L3MBTL4: variants seen among roughly 807,000 people sequenced by gnomAD.
The protein encoded by L3MBTL4 is L3MBTL histone methyl-lysine binding protein 4.
L3MBTL4 carries 70 observed loss-of-function variants against 84.5 expected under a neutral mutation model. The observed-to-expected ratio is 0.83, with a 90% CI of 0.68 to 1.01. The LOEUF is 1.01. L3MBTL4 is among the 50% of genes least tolerant of loss of function. The probability of loss-of-function intolerance (pLI) is 0.00; values close to 1 mark genes in which losing one functional copy is unlikely to be tolerated. For synonymous variants in L3MBTL4, 274 were observed against 259.8 expected (o/e 1.05, Z -0.52); for missense variants, 715 against 754.8 (o/e 0.95, Z 0.62).
intron 10 of L3MBTL4, among the ~76,000 whole-genome samples, chr18:6,222,369 C>T (rs570060525): frequency 2.0e-5 from 3 of 152,300 alleles, no homozygotes; most frequent in Admixed American, 1.3e-4. Flanking sequence ...TATGGCTGAG[C>T]TGTACTATAT....
chr18:6,220,355 A>G (rs2046499430), intron 10 of L3MBTL4, among the ~76,000 whole-genome samples: 1 of 152,134 alleles, frequency 6.6e-6, no homozygotes, highest in African/African-American at 2.4e-5. Context: ...TCCTGCTGTA[A>G]CTAGAACACT....
intron 1 of L3MBTL4, chr18:6,413,930 G>A (rs967603745): frequency 2.0e-5 from 3 of 152,314 alleles, no homozygotes; most frequent in Non-Finnish European, 4.4e-5. Context: ...CAGTGACTAA[G>A]GGAGATCAAA....
At chr18:5,981,974 C>CTATG (rs1555622566) in intron 16 of L3MBTL4, among the ~76,000 whole-genome samples, 1 of 137,328 alleles carries the variant, frequency 7.3e-6, no homozygotes, top group African/African-American at 2.8e-5. Context: ...TTTCAATATT[C>CTATG]TGTGTGTGTG....
chr18:6,288,520 A>G (rs1319937773), intron 4 of L3MBTL4, among the ~76,000 whole-genome samples: 1 of 152,222 alleles, frequency 6.6e-6, no homozygotes, highest in Non-Finnish European at 1.5e-5. Context: ...AAATGTTTTA[A>G]GGTCATGAAC....
At position 6,194,876 on chromosome 18, in the gene L3MBTL4, G is replaced by C. The variant is rs143562280; in HGVS notation, c.981+18273C>G. ...GTGCCAAAGCAGAAGGAATGCCATTGCCAAGGACTAGCTTCTCCCAGCACA... is the reference window on the plus strand; with the variant it reads ...GTGCCAAAGCAGAAGGAATGCCATTCCCAAGGACTAGCTTCTCCCAGCACA... On this transcript the variant is annotated intron_variant, in intron 12 of 18. Coordinates refer to ENST00000317931, the MANE Select transcript of L3MBTL4 (RefSeq NM_001330559.2). Among the ~76,000 whole-genome samples, 70 of 152,346 alleles carry C rather than the reference G, an allele frequency of 4.6e-4. 1 individual carries two copies. The East Asian group carries it at 0.011, about 24-fold the overall frequency.
At chr18:6,346,370 C>G (rs11662413) in intron 1 of L3MBTL4, among the ~76,000 whole-genome samples, 2 of 151,620 alleles carry the variant, frequency 1.3e-5, no homozygotes, top group Non-Finnish European at 2.9e-5. Context: ...AACTTCTACA[C>G]GGCAAAGGAA....
chr18:6,266,721 C>T (rs1347180411), intron 4 of L3MBTL4, among the ~76,000 whole-genome samples: 3 of 152,024 alleles, frequency 2.0e-5, no homozygotes, highest in Non-Finnish European at 4.4e-5. Context: ...ATCAGGAGTT[C>T]GAGACCAGCC....
chr18:6,105,905 A>G (rs904750350), intron 14 of L3MBTL4, among the ~76,000 whole-genome samples: 1 of 152,164 alleles, frequency 6.6e-6, no homozygotes, highest in Non-Finnish European at 1.5e-5. Context: ...TAGAAAAATC[A>G]AAGAAAGATA....
At chr18:6,053,207 T>C (rs923947878) in intron 16 of L3MBTL4, among the ~76,000 whole-genome samples, 1 of 152,234 alleles carries the variant, frequency 6.6e-6, no homozygotes, top group Non-Finnish European at 1.5e-5. Context: ...GCTAAAATAC[T>C]AATTTGTGAT....
chr18:6,234,585 A>T (rs138585659), intron 10 of L3MBTL4, among the ~76,000 whole-genome samples: 4,277 of 152,338 alleles, frequency 0.028, 193 homozygotes, highest in African/African-American at 0.096. Flanking sequence ...ATCACTGACC[A>T]TCAGAGAAAT....
At chr18:6,008,342 T>C (rs535849230) in intron 16 of L3MBTL4, among the ~76,000 whole-genome samples, 1 of 152,168 alleles carries the variant, frequency 6.6e-6, no homozygotes, top group Non-Finnish European at 1.5e-5. Context: ...GGAAGGTCGA[T>C]CTGTATCTGA....
chr18:5,998,848 A>T (rs546061786), intron 16 of L3MBTL4, among the ~76,000 whole-genome samples: 2 of 152,276 alleles, frequency 1.3e-5, no homozygotes, highest in East Asian at 1.9e-4. Context: ...TGCCACTTGC[A>T]GTCACCTGGG....
At chr18:6,233,831 G>C (rs925310438) in intron 10 of L3MBTL4, among the ~76,000 whole-genome samples, 4 of 152,084 alleles carry the variant, frequency 2.6e-5, no homozygotes, top group African/African-American at 9.7e-5. Flanking sequence ...AGGTTCATAT[G>C]GAACCAAAAA....
intron 7 of L3MBTL4, among the ~76,000 whole-genome samples, chr18:6,242,507 G>T (rs1303540251): frequency 6.6e-6 from 1 of 152,188 alleles, no homozygotes; most frequent in East Asian, 1.9e-4. Context: ...CTGAATGAAT[G>T]AGCCTGTAGC....
chr18:6,084,762 A>G (rs2058203253), intron 15 of L3MBTL4, among the ~76,000 whole-genome samples: 1 of 152,244 alleles, frequency 6.6e-6, no homozygotes, highest in Admixed American at 6.5e-5. Flanking sequence ...CTATTGGATC[A>G]TACAACAGGA....
intron 12 of L3MBTL4, among the ~76,000 whole-genome samples, chr18:6,179,885 G>A (rs959695136): frequency 3.9e-5 from 6 of 152,152 alleles, no homozygotes; most frequent in Admixed American, 3.3e-4. Flanking sequence ...TGATCCTCCT[G>A]CCTCAGCCTC....
At chr18:5,999,263 G>T (rs1264435879) in intron 16 of L3MBTL4, among the ~76,000 whole-genome samples, 4 of 152,148 alleles carry the variant, frequency 2.6e-5, no homozygotes, top group Non-Finnish European at 5.9e-5. Flanking sequence ...ACTATTTATG[G>T]CCTAGTTCAG....
intron 1 of L3MBTL4, among the ~76,000 whole-genome samples, chr18:6,333,679 G>A (rs1043481062): frequency 1.3e-5 from 2 of 151,840 alleles, no homozygotes; most frequent in African/African-American, 2.4e-5. Flanking sequence ...ACATAACTGG[G>A]AGCATAGCTC....
At chr18:5,959,468 G>A (rs2095251178) in intron 18 of L3MBTL4, among the ~76,000 whole-genome samples, 1 of 152,134 alleles carries the variant, frequency 6.6e-6, no homozygotes, top group Non-Finnish European at 1.5e-5. Context: ...TCTCTTCCGG[G>A]GCCCCTATAG....
Sources: gnomAD v4.1 joint callset for allele counts (sites outside exome capture counted in the v4.1 genomes callset) on GRCh38, gnomAD v4.1.1 for gene constraint, MANE v1.5 for transcripts, NCBI Gene and HGNC (gene_info 2026-07-23, HGNC 2026-07-21) for gene names.